XKR3: variants seen among roughly 807,000 people sequenced by gnomAD.
XKR3 encodes XK related 3.
In XKR3, 27 loss-of-function variants were observed where a neutral mutation model predicts 40.3. The observed-to-expected ratio is 0.67, with a 90% CI of 0.49 to 0.92. The LOEUF (loss-of-function observed/expected upper bound fraction) is 0.92. Among genes scored for constraint, XKR3 ranks in the 40% least tolerant of loss-of-function variants. XKR3 has a pLI of 0.00. For missense variants in XKR3, 472 were observed against 537.6 expected, an observed-to-expected ratio of 0.88 and a Z score of 1.21; for synonymous variants, 193 against 195.4, an observed-to-expected ratio of 0.99 and a Z score of 0.10.
At chr22:16,813,596 G>A (rs1474161155) in intron 1 of XKR3, among the ~76,000 whole-genome samples, 3 of 152,104 alleles carry the variant, frequency 2.0e-5, no homozygotes, top group African/African-American at 7.2e-5. Flanking sequence ...CCCACTGCAA[G>A]GGTAACATCA....
intron 2 of XKR3, among the ~76,000 whole-genome samples, chr22:16,806,595 G>A (rs936397128): frequency 2.0e-5 from 3 of 149,210 alleles, no homozygotes; most frequent in Admixed American, 1.4e-4. Context: ...GCACCAACAC[G>A]CCCGGCTATT....
At chr22:16,788,197 G>C (rs1303235084) in intron 3 of XKR3, among the ~76,000 whole-genome samples, 2 of 152,076 alleles carry the variant, frequency 1.3e-5, no homozygotes, top group Admixed American at 6.6e-5. Flanking sequence ...TGAACAACCA[G>C]TGAGTCAATG....
intron 1 of XKR3, among the ~76,000 whole-genome samples, chr22:16,822,897 T>C (rs1300558301): frequency 4.8e-4 from 73 of 152,330 alleles, no homozygotes; most frequent in Non-Finnish European, 8.8e-5. Context: ...ATTTGTTTAT[T>C]TTTTAAGACA....
At chr22:16,801,636 T>C (rs1054397576) in intron 2 of XKR3, among the ~76,000 whole-genome samples, 6 of 151,230 alleles carry the variant, frequency 4.0e-5, no homozygotes, top group African/African-American at 1.5e-4. Context: ...AGTTGTCAGG[T>C]GTTAAAGAGT....
chr22:16,824,087 C>A (rs756098123), intron 1 of XKR3, among the ~76,000 whole-genome samples: 66 of 152,192 alleles, frequency 4.3e-4, no homozygotes, highest in Admixed American at 2.0e-3. Context: ...ATGAAACAGT[C>A]TTCAAATGAA....
At chr22:16,802,393 G>A (rs927948752) in intron 2 of XKR3, among the ~76,000 whole-genome samples, 2 of 152,064 alleles carry the variant, frequency 1.3e-5, no homozygotes, top group African/African-American at 4.8e-5. Flanking sequence ...AAGAAGGTAA[G>A]GAGTAAAGGA....
intron 1 of XKR3, among the ~76,000 whole-genome samples, chr22:16,813,787 T>TA (rs2060222491): frequency 6.6e-6 from 1 of 152,224 alleles, no homozygotes; most frequent in Non-Finnish European, 1.5e-5. Context: ...ATGTTCCCAC[T>TA]AGCAATTGGA....
intron 3 of XKR3, among the ~76,000 whole-genome samples, chr22:16,792,671 C>T (rs1284437207): frequency 6.6e-5 from 10 of 152,176 alleles, no homozygotes; most frequent in African/African-American, 1.9e-4. Flanking sequence ...TTGTTGTTCA[C>T]ATATATGCTA....
rs778165764 is a variant in XKR3, at chr22:16,807,939, A to G, written c.135T>C (p.Cys45=). 1.2e-6 allele frequency: 2 copies of G among 1,613,920 alleles called. No homozygotes were observed. The highest frequency in any genetic ancestry group is 1.7e-6 in the Non-Finnish European group (2 of 1,179,946). ...FSIIFSTVLY[C]GEVAFGLYMF... ...TGTATAAACCAAAGGCAACCTCACC[A>G]CAGTAGAGAACAGTTGAGAAGATAA... Residue 45 remains cysteine, a synonymous_variant, in exon 2 of 4, where the codon TGT becomes TGC. Coordinates refer to ENST00000684488, the MANE Select transcript of XKR3 (RefSeq NM_001386955.1).
chr22:16,793,157 C>A (rs1325607553), intron 3 of XKR3, among the ~76,000 whole-genome samples: 1 of 152,240 alleles, frequency 6.6e-6, no homozygotes, highest in Non-Finnish European at 1.5e-5. Flanking sequence ...GGATTACAGG[C>A]ATGCTCCACC....
chr22:16,818,649 C>T (rs779720465), intron 1 of XKR3, among the ~76,000 whole-genome samples: 1 of 152,074 alleles, frequency 6.6e-6, no homozygotes, highest in Non-Finnish European at 1.5e-5. Flanking sequence ...AAGCTTCTCC[C>T]AGGTCAGTGA....
At chr22:16,820,184 C>A (rs180695637) in intron 1 of XKR3, among the ~76,000 whole-genome samples, 1 of 152,066 alleles carries the variant, frequency 6.6e-6, no homozygotes, top group Non-Finnish European at 1.5e-5. Context: ...ATAAAACTTA[C>A]GCAAAAAAAC....
chr22:16,820,052 G>A (rs2060249276), intron 1 of XKR3, among the ~76,000 whole-genome samples: 1 of 152,134 alleles, frequency 6.6e-6, no homozygotes, highest in Admixed American at 6.5e-5. Context: ...TGGTGAAGAT[G>A]TAGAAATAAC....
At chr22:16,789,417 A>G (rs2060104490) in intron 3 of XKR3, among the ~76,000 whole-genome samples, 1 of 152,192 alleles carries the variant, frequency 6.6e-6, no homozygotes, top group Admixed American at 6.5e-5. Context: ...TACAATAGCT[A>G]TGGGAAAACA....
At chr22:16,823,352 T>C (rs949970398) in intron 1 of XKR3, among the ~76,000 whole-genome samples, 4 of 152,162 alleles carry the variant, frequency 2.6e-5, no homozygotes, top group African/African-American at 9.7e-5. Flanking sequence ...GGTGTTCCTA[T>C]TGACATCATT....
chr22:16,795,674 CAA>C (rs374187211), intron 3 of XKR3, among the ~76,000 whole-genome samples: 1 of 144,082 alleles, frequency 6.9e-6, no homozygotes. Flanking sequence ...TTAACAAAGA[CAA>C]AAAAAAAAGG....
Position 16,800,041 on chromosome 22 carries a change from A to G in XKR3, c.336-17T>C. The G allele has an allele frequency of 6.2e-7, 1 of 1,608,690 alleles. No individual in the cohort carries two copies. Among genetic ancestry groups the G allele is most frequent in the South Asian group, 1.1e-5 (1 of 90,544 alleles). On this transcript the variant is annotated splice_polypyrimidine_tract_variant and intron_variant, in intron 2 of 3. Coordinates refer to ENST00000684488, the MANE Select transcript of XKR3 (RefSeq NM_001386955.1). ...TGCAAACACCTGTTAACATGAAGTA[A>G]CATCCAAGATTAACATTTATTGGTG...
In XKR3 at chr22:16,791,565, T is replaced by C. The variant is rs1387539579; in HGVS notation, c.590-7156A>G. On this transcript the variant is annotated intron_variant, in intron 3 of 3. Coordinates refer to ENST00000684488, the MANE Select transcript of XKR3 (RefSeq NM_001386955.1). ...CAAAATAAAAAAAAAAACAGATAAC[T>C]ACGTGAGAAAATGCATTTGTTAATT... Among the ~76,000 whole-genome samples the C allele has an allele frequency of 2.6e-5, 4 of 151,188 alleles. No individual in the cohort carries two copies. In the East Asian group the frequency reaches 7.8e-4, roughly 29 times the overall value.
chr22:16,823,954 A>G (rs1038253021), intron 1 of XKR3, among the ~76,000 whole-genome samples: 1 of 152,228 alleles, frequency 6.6e-6, no homozygotes, highest in Non-Finnish European at 1.5e-5. Context: ...AGGGATCTTA[A>G]TGATGAGAAC....
Sources: gnomAD v4.1 joint callset for allele counts (sites outside exome capture counted in the v4.1 genomes callset) on GRCh38, gnomAD v4.1.1 for gene constraint, MANE v1.5 for transcripts, NCBI Gene and HGNC (gene_info 2026-07-23, HGNC 2026-07-21) for gene names.